Variants in CSMD1 observed in about 807,000 individuals in gnomAD.
The protein encoded by CSMD1 is CUB and sushi domain-containing protein 1.
Under a neutral mutation model 417.5 loss-of-function variants are expected in CSMD1, and 213 were observed. The ratio of observed to expected loss-of-function variants is 0.51; its 90% CI spans 0.46 to 0.57. The LOEUF (loss-of-function observed/expected upper bound fraction) is 0.57. CSMD1 is among the 20% of genes least tolerant of loss of function. The probability of loss-of-function intolerance (pLI) is 0.00; values close to 1 mark genes in which losing one functional copy is unlikely to be tolerated. For missense variants in CSMD1, 6,923 were observed against 4,529.7 expected (o/e 1.53, Z -15.17); for synonymous variants, 2,862 against 1,736.8 (o/e 1.65, Z -16.11).
At chr8:4,335,184 G>A (rs190325958) in intron 3 of CSMD1, among the ~76,000 whole-genome samples, 2 of 152,232 alleles carry the variant, frequency 1.3e-5, no homozygotes, top group African/African-American at 2.4e-5. Context: ...GATTACAGGT[G>A]TGAGCCACCA....
chr8:4,873,041 C>T (rs150705698), intron 1 of CSMD1, among the ~76,000 whole-genome samples: 4 of 151,978 alleles, frequency 2.6e-5, no homozygotes, highest in Admixed American at 1.3e-4. Flanking sequence ...TACCACAAAT[C>T]GTATATATTT....
chr8:4,607,684 T>C (rs370322141), intron 2 of CSMD1, among the ~76,000 whole-genome samples: 3,574 of 152,290 alleles, frequency 0.023, 64 homozygotes, highest in African/African-American at 0.044. Flanking sequence ...TCCACCTTTT[T>C]TCCAGCAATC....
At chr8:3,984,704 CAT>C (rs59669026) in intron 5 of CSMD1, among the ~76,000 whole-genome samples, 3,967 of 82,168 alleles carry the variant, frequency 0.048, 269 homozygotes, top group Admixed American at 0.08. Flanking sequence ...GTGTATATAT[CAT>C]ATATATATAT....
At chr8:4,229,192 C>CT (rs1368280176) in intron 3 of CSMD1, among the ~76,000 whole-genome samples, 1 of 152,142 alleles carries the variant, frequency 6.6e-6, no homozygotes, top group Non-Finnish European at 1.5e-5. Flanking sequence ...TGTATTCCTC[C>CT]TTTTCTGTCA....
intron 1 of CSMD1, among the ~76,000 whole-genome samples, chr8:4,887,106 A>G (rs1035946887): frequency 1.3e-5 from 2 of 152,016 alleles, no homozygotes; most frequent in African/African-American, 4.8e-5. Flanking sequence ...ATATATAAAC[A>G]TTTACAGCTA....
intron 1 of CSMD1, among the ~76,000 whole-genome samples, chr8:4,699,508 T>A (rs1807371854): frequency 1.3e-5 from 2 of 152,314 alleles, no homozygotes; most frequent in African/African-American, 2.4e-5. Flanking sequence ...AAGCTGTACA[T>A]CGAACACTCA....
intron 1 of CSMD1, among the ~76,000 whole-genome samples, chr8:4,771,867 T>C (rs1020716521): frequency 1.3e-5 from 2 of 152,194 alleles, no homozygotes; most frequent in African/African-American, 2.4e-5. Flanking sequence ...AGGGAGTCTG[T>C]GCTCAAAGCG....
intron 1 of CSMD1, among the ~76,000 whole-genome samples, chr8:4,708,567 G>T (rs190715449): frequency 6.6e-6 from 1 of 152,240 alleles, no homozygotes; most frequent in East Asian, 1.9e-4. Flanking sequence ...AGGTAATATT[G>T]TATCTTTGAG....
At chr8:4,946,518 C>G (rs1277911206) in intron 1 of CSMD1, among the ~76,000 whole-genome samples, 3 of 152,128 alleles carry the variant, frequency 2.0e-5, no homozygotes, top group Admixed American at 6.6e-5. Context: ...ATCCCCCCAG[C>G]TGCCTCTAAC....
At chr8:4,856,831 C>T (rs1383195022) in intron 1 of CSMD1, among the ~76,000 whole-genome samples, 3 of 151,530 alleles carry the variant, frequency 2.0e-5, no homozygotes, top group South Asian at 4.2e-4. Context: ...ACTTTAACAC[C>T]CCACTGTCAA....
chr8:4,076,533 C>G (rs767213539), intron 3 of CSMD1, among the ~76,000 whole-genome samples: 2 of 152,058 alleles, frequency 1.3e-5, no homozygotes, highest in African/African-American at 2.4e-5. Flanking sequence ...GAGCCAAAAA[C>G]GAATACCTAA....
intron 59 of CSMD1, among the ~76,000 whole-genome samples, chr8:2,965,185 C>T (rs1216821981): frequency 1.3e-5 from 2 of 152,200 alleles, no homozygotes; most frequent in African/African-American, 4.8e-5. Context: ...GAGCCAAGCC[C>T]ACTCACTCTG....
chr8:4,897,575 G>A (rs902218945), intron 1 of CSMD1, among the ~76,000 whole-genome samples: 1 of 151,942 alleles, frequency 6.6e-6, no homozygotes, highest in Non-Finnish European at 1.5e-5. Context: ...TTGTTACTCC[G>A]TTTTATAAAT....
intron 1 of CSMD1, among the ~76,000 whole-genome samples, chr8:4,671,838 T>A (rs532416785): frequency 5.9e-5 from 9 of 151,906 alleles, no homozygotes; most frequent in Non-Finnish European, 1.0e-4. Flanking sequence ...GTTTGAGGAG[T>A]TTCATTTATG....
At chr8:3,328,237 T>C (rs960116793) in intron 23 of CSMD1, among the ~76,000 whole-genome samples, 1 of 152,202 alleles carries the variant, frequency 6.6e-6, no homozygotes, top group Non-Finnish European at 1.5e-5. Flanking sequence ...AGTCTGCCTG[T>C]GTCCTACATT....
chr8:3,878,122 C>A (rs757881499), intron 5 of CSMD1, among the ~76,000 whole-genome samples: 1 of 152,088 alleles, frequency 6.6e-6, no homozygotes, highest in Non-Finnish European at 1.5e-5. Flanking sequence ...TCCTTCCCTG[C>A]CCACATTCCT....
At chr8:3,210,250 T>A (rs536699500) in intron 30 of CSMD1, among the ~76,000 whole-genome samples, 2 of 152,258 alleles carry the variant, frequency 1.3e-5, no homozygotes, top group African/African-American at 4.8e-5. Flanking sequence ...TCCAGATTTA[T>A]AACATAAAGC....
intron 3 of CSMD1, among the ~76,000 whole-genome samples, chr8:4,271,795 C>T (rs1184739387): frequency 2.0e-5 from 3 of 152,134 alleles, no homozygotes; most frequent in African/African-American, 7.2e-5. Flanking sequence ...ATGAATTACT[C>T]CTCCAGCTGC....
chr8:4,206,470 A>G (rs997150437), intron 3 of CSMD1, among the ~76,000 whole-genome samples: 3 of 152,172 alleles, frequency 2.0e-5, no homozygotes, highest in Non-Finnish European at 4.4e-5. Context: ...TTTGCTCAGA[A>G]TAATGGTTTC....
Sources: allele counts gnomAD v4.1 joint callset (sites outside exome capture counted in the v4.1 genomes callset), GRCh38; gene constraint gnomAD v4.1.1; transcripts MANE v1.5; gene names NCBI Gene and HGNC (gene_info 2026-07-23, HGNC 2026-07-21).